PCLO: variants seen among roughly 807,000 people sequenced by gnomAD.
PCLO encodes the protein piccolo presynaptic cytomatrix protein.
Under a neutral mutation model 427.5 loss-of-function variants are expected in PCLO, and 82 were observed. The observed-to-expected ratio is 0.19, with a 90% confidence interval of 0.16 to 0.23. The LOEUF (loss-of-function observed/expected upper bound fraction) is 0.23, where lower values mean the gene tolerates loss of function less well. Among genes scored for constraint, PCLO ranks in the 10% least tolerant of loss-of-function variants. The probability of loss-of-function intolerance (pLI) is 1.00; values close to 1 mark genes in which losing one functional copy is unlikely to be tolerated. For missense variants in PCLO, 6,239 were observed against 6,115.9 expected (o/e 1.02, Z -0.67); for synonymous variants, 2,357 against 2,155.4 (o/e 1.09, Z -2.59).
intron 6 of PCLO, among the ~76,000 whole-genome samples, chr7:82,939,193 C>T (rs1416485614): frequency 2.6e-5 from 4 of 151,948 alleles, no homozygotes; most frequent in South Asian, 2.1e-4. Flanking sequence ...TTAAATGCTG[C>T]AAAATGTAAA....
intron 3 of PCLO, among the ~76,000 whole-genome samples, chr7:83,007,394 C>T (rs1051191157): frequency 6.7e-6 from 1 of 149,652 alleles, no homozygotes; most frequent in African/African-American, 2.5e-5. Flanking sequence ...TATTTATCAG[C>T]TGTTTTGTTA....
In PCLO at chr7:82,794,459, C is replaced by CTTT. The variant is rs778108792; in HGVS notation, c.15007+7056_15007+7058dup. On this transcript the variant is annotated intron_variant, in intron 22 of 24. Coordinates refer to ENST00000333891, the MANE Select transcript of PCLO (RefSeq NM_033026.6). ...ACATGCTAGTTCATAAATTTTTTTT[C>CTTT]TTTTTTTTTTTTTTTTTTTTTTTTT... 2.3e-4 allele frequency among the ~76,000 whole-genome samples: 13 copies of CTTT among 56,358 alleles called. 3 individuals are homozygous for CTTT. Among genetic ancestry groups the CTTT allele is most frequent in the East Asian group, 1.2e-3 (2 of 1,684 alleles). The allele number at this position is 56,358 out of a possible 152,430, so 37.0% of individuals were successfully genotyped here.
At chr7:83,067,986 C>T (rs571917980) in intron 3 of PCLO, among the ~76,000 whole-genome samples, 7 of 152,182 alleles carry the variant, frequency 4.6e-5, no homozygotes, top group Admixed American at 3.3e-4. Context: ...TTGTTTTAAG[C>T]GGGTAATATA....
chr7:82,791,339 A>C (rs1214872579), intron 22 of PCLO, among the ~76,000 whole-genome samples: 1 of 152,214 alleles, frequency 6.6e-6, no homozygotes, highest in African/African-American at 2.4e-5. Flanking sequence ...ATTCCATAAC[A>C]CCAACAATAG....
rs950120366 is a variant in PCLO at position 83,131,425 on chromosome 7, T to C, written c.3300+2825A>G. Among the ~76,000 whole-genome samples the C allele has an allele frequency of 9.9e-5, 15 of 152,108 alleles. No individual in the cohort carries two copies. The East Asian group carries it at 2.9e-3, about 30-fold the overall frequency. ...TAATGAAGGAGAAAGAGGGAAACCA[T>C]CTACAGCTTCCCAACCAATGACAAA... On this transcript the variant is annotated intron_variant, in intron 3 of 24. Coordinates refer to ENST00000333891, the MANE Select transcript of PCLO (RefSeq NM_033026.6).
intron 3 of PCLO, among the ~76,000 whole-genome samples, chr7:83,026,543 C>G (rs1029227626): frequency 2.6e-5 from 4 of 151,534 alleles, no homozygotes; most frequent in South Asian, 4.2e-4. Context: ...TTAGACAGAT[C>G]AACGAGACAG....
chr7:83,111,849 G>A (rs1791011084), intron 3 of PCLO, among the ~76,000 whole-genome samples: 1 of 152,096 alleles, frequency 6.6e-6, no homozygotes, highest in African/African-American at 2.4e-5. Flanking sequence ...TGCTTTTAAG[G>A]GGGATTCTAT....
At chr7:82,811,193 TTTTG>T (rs776103775) in intron 20 of PCLO, among the ~76,000 whole-genome samples, 2 of 151,614 alleles carry the variant, frequency 1.3e-5, no homozygotes, top group African/African-American at 2.4e-5. Flanking sequence ...CAATCAATAA[TTTTG>T]TTTATTCCAA....
At chr7:82,866,180 C>T (rs997713915) in intron 10 of PCLO, among the ~76,000 whole-genome samples, 3 of 152,088 alleles carry the variant, frequency 2.0e-5, no homozygotes, top group African/African-American at 7.2e-5. Context: ...ATTCTTTCCC[C>T]TCCTTGGTGG....
intron 3 of PCLO, among the ~76,000 whole-genome samples, chr7:83,024,362 C>A (rs1788427379): frequency 6.6e-6 from 1 of 152,186 alleles, no homozygotes; most frequent in Non-Finnish European, 1.5e-5. Context: ...CCTGGAAAAT[C>A]GGGTCACTCC....
At chr7:83,128,244 T>TA (rs930556972) in intron 3 of PCLO, among the ~76,000 whole-genome samples, 3 of 151,078 alleles carry the variant, frequency 2.0e-5, no homozygotes, top group Non-Finnish European at 4.4e-5. Context: ...GTGCAAAAGA[T>TA]AAGGTGGGAG....
chr7:82,829,232 C>T (rs564088284), intron 16 of PCLO, among the ~76,000 whole-genome samples: 10 of 152,228 alleles, frequency 6.6e-5, no homozygotes, highest in South Asian at 2.1e-4. Context: ...AGGGAAATAA[C>T]GCTCAACATT....
At chr7:82,861,312 C>T (rs899065433) in intron 10 of PCLO, among the ~76,000 whole-genome samples, 2 of 151,834 alleles carry the variant, frequency 1.3e-5, no homozygotes, top group African/African-American at 4.8e-5. Flanking sequence ...AAATTAATAA[C>T]AGGAGGAATT....
chr7:83,117,619 C>T (rs918588666), intron 3 of PCLO, among the ~76,000 whole-genome samples: 1 of 152,184 alleles, frequency 6.6e-6, no homozygotes, highest in African/African-American at 2.4e-5. Context: ...GAGTGTTCTT[C>T]ACCTGTGACT....
intron 10 of PCLO, among the ~76,000 whole-genome samples, chr7:82,855,886 C>T (rs1218879416): frequency 6.6e-6 from 1 of 152,034 alleles, no homozygotes; most frequent in Admixed American, 6.6e-5. Flanking sequence ...GACCAGCATC[C>T]TGCTTGTTTA....
intron 22 of PCLO, among the ~76,000 whole-genome samples, chr7:82,793,550 T>C (rs1437071749): frequency 6.6e-6 from 1 of 152,132 alleles, no homozygotes; most frequent in Non-Finnish European, 1.5e-5. Flanking sequence ...TCTCTAAACT[T>C]CTCTAGTTTC....
intron 22 of PCLO, among the ~76,000 whole-genome samples, chr7:82,782,459 G>A (rs1177249261): frequency 6.6e-6 from 1 of 152,134 alleles, no homozygotes; most frequent in East Asian, 1.9e-4. Context: ...TTAAATCACA[G>A]GGACTGGCTA....
intron 3 of PCLO, among the ~76,000 whole-genome samples, chr7:83,037,990 TATATATATATA>T (rs1788839454): frequency 3.0e-4 from 1 of 3,348 alleles, no homozygotes. Context: ...AGGAGGAGCT[TATATATATATA>T]TATATATATA....
chr7:82,828,363 T>A (rs1792005503), intron 16 of PCLO, among the ~76,000 whole-genome samples: 1 of 152,074 alleles, frequency 6.6e-6, no homozygotes, highest in Non-Finnish European at 1.5e-5. Flanking sequence ...AAAGCAAAAC[T>A]AAAACATTGT....
Sources: allele counts gnomAD v4.1 joint callset (sites outside exome capture counted in the v4.1 genomes callset), GRCh38; gene constraint gnomAD v4.1.1; transcripts MANE v1.5; gene names NCBI Gene and HGNC (gene_info 2026-07-23, HGNC 2026-07-21).